ZFHX3: variants seen among roughly 807,000 people sequenced by gnomAD.
ZFHX3 encodes zinc finger homeobox protein 3.
Under a neutral mutation model 279.1 loss-of-function variants are expected in ZFHX3, and 42 were observed. That is an observed-to-expected ratio of 0.15 (90% CI 0.12 to 0.19). The LOEUF (loss-of-function observed/expected upper bound fraction) is 0.19, where lower values mean the gene tolerates loss of function less well. ZFHX3 is among the 10% of genes least tolerant of loss of function. ZFHX3 has a pLI of 1.00. For missense variants in ZFHX3, 4,981 were observed against 4,754.0 expected, an observed-to-expected ratio of 1.05 and a Z score of -1.40; for synonymous variants, 2,293 against 1,957.8, an observed-to-expected ratio of 1.17 and a Z score of -4.52.
chr16:73,518,507 G>A (rs1321391584), intron 2 of ZFHX3, among the ~76,000 whole-genome samples: 4 of 152,128 alleles, frequency 2.6e-5, no homozygotes, highest in African/African-American at 9.7e-5. Flanking sequence ...GGACTGAGAG[G>A]AGATGTGTCA....
intron 4 of ZFHX3, among the ~76,000 whole-genome samples, chr16:73,272,215 T>C (rs934464749): frequency 6.6e-6 from 1 of 152,260 alleles, no homozygotes; most frequent in Non-Finnish European, 1.5e-5. Flanking sequence ...GCTCTTTCAC[T>C]GACGGCATGT....
chr16:73,057,819 G>T (rs1965591965), intron 1 of ZFHX3, among the ~76,000 whole-genome samples: 1 of 150,716 alleles, frequency 6.6e-6, no homozygotes, highest in African/African-American at 2.4e-5. Flanking sequence ...CTCCCGCGTC[G>T]CCGGCAAGTC....
chr16:73,513,407 T>C (rs1411114490), intron 2 of ZFHX3, among the ~76,000 whole-genome samples: 1 of 152,160 alleles, frequency 6.6e-6, no homozygotes, highest in Non-Finnish European at 1.5e-5. Flanking sequence ...CTGAATCTGT[T>C]GCACTGACAC....
intron 4 of ZFHX3, among the ~76,000 whole-genome samples, chr16:72,843,877 A>C (rs1291818616): frequency 2.0e-5 from 3 of 152,190 alleles, no homozygotes; most frequent in Non-Finnish European, 4.4e-5. Context: ...GATACACAAA[A>C]CAAAACCAGC....
intron 4 of ZFHX3, among the ~76,000 whole-genome samples, chr16:73,312,840 G>A (rs1433246946): frequency 2.0e-5 from 3 of 152,212 alleles, no homozygotes; most frequent in African/African-American, 7.2e-5. Flanking sequence ...CATCATAACT[G>A]TAGTTGCAAA....
At chr16:72,839,804 G>A (rs9921746) in intron 4 of ZFHX3, among the ~76,000 whole-genome samples, 1,608 of 152,324 alleles carry the variant, frequency 0.011, 30 homozygotes, top group African/African-American at 0.037. Flanking sequence ...GAGCTTCCCT[G>A]ATGGGGTACC....
chr16:73,863,727 T>C (rs1245324676), intron 1 of ZFHX3, among the ~76,000 whole-genome samples: 1 of 152,216 alleles, frequency 6.6e-6, no homozygotes, highest in African/African-American at 2.4e-5. Flanking sequence ...GGAATTTTTA[T>C]GCCTTCTTTA....
chr16:73,223,934 A>G (rs1490272100), intron 5 of ZFHX3, among the ~76,000 whole-genome samples: 2 of 152,248 alleles, frequency 1.3e-5, no homozygotes, highest in Non-Finnish European at 2.9e-5. Flanking sequence ...TGAAAAGACT[A>G]CATATTGCAT....
At chr16:72,841,258 G>A (rs2037337482) in intron 4 of ZFHX3, among the ~76,000 whole-genome samples, 1 of 152,218 alleles carries the variant, frequency 6.6e-6, no homozygotes, top group Non-Finnish European at 1.5e-5. Context: ...GCATGCATCA[G>A]TTTGAAACAA....
chr16:73,552,010 AAT>A (rs2020210397), intron 2 of ZFHX3, among the ~76,000 whole-genome samples: 1 of 152,102 alleles, frequency 6.6e-6, no homozygotes, highest in South Asian at 2.1e-4. Context: ...TCTGTGAGTG[AAT>A]GAGTGAGTGT....
chr16:73,744,934 A>G (rs573804140), intron 1 of ZFHX3, among the ~76,000 whole-genome samples: 7 of 152,286 alleles, frequency 4.6e-5, no homozygotes, highest in African/African-American at 1.7e-4. Context: ...TGCATCTCAC[A>G]ACAGGAAATT....
At chr16:73,136,301 T>C (rs1966791026) in intron 6 of ZFHX3, among the ~76,000 whole-genome samples, 1 of 152,190 alleles carries the variant, frequency 6.6e-6, no homozygotes, top group African/African-American at 2.4e-5. Context: ...TCTGAGGACA[T>C]CACTCTTCTG....
At chr16:73,678,278 T>C (rs775670970) in intron 2 of ZFHX3, among the ~76,000 whole-genome samples, 33 of 152,108 alleles carry the variant, frequency 2.2e-4, no homozygotes, top group Non-Finnish European at 4.3e-4. Flanking sequence ...TAGAAGACCA[T>C]TGGGAGATGT....
intron 1 of ZFHX3, among the ~76,000 whole-genome samples, chr16:73,001,682 T>G (rs547987965): frequency 6.6e-6 from 1 of 151,886 alleles, no homozygotes; most frequent in Non-Finnish European, 1.5e-5. Context: ...TAGCCAAGTG[T>G]GGTGGCACAT....
chr16:73,703,521 A>C (rs1256273934), intron 1 of ZFHX3, among the ~76,000 whole-genome samples: 1 of 152,052 alleles, frequency 6.6e-6, no homozygotes, highest in Non-Finnish European at 1.5e-5. Context: ...TGGGAAGGGG[A>C]AGGTTTATAG....
intron 1 of ZFHX3, among the ~76,000 whole-genome samples, chr16:73,697,376 T>C (rs1241578496): frequency 2.0e-5 from 3 of 152,226 alleles, no homozygotes; most frequent in African/African-American, 7.2e-5. Flanking sequence ...GAATCACAGT[T>C]TCAAAACACA....
intron 2 of ZFHX3, among the ~76,000 whole-genome samples, chr16:73,667,499 G>A (rs2052856099): frequency 6.6e-6 from 1 of 152,168 alleles, no homozygotes; most frequent in Admixed American, 6.5e-5. Flanking sequence ...CTACTAAACT[G>A]TTTTTCCAAA....
At chr16:73,254,195 T>C (rs2013596542) in intron 5 of ZFHX3, among the ~76,000 whole-genome samples, 2 of 152,086 alleles carry the variant, frequency 1.3e-5, no homozygotes, top group Non-Finnish European at 2.9e-5. Context: ...CCAGGTGAGA[T>C]TTTTCTCTGA....
intron 3 of ZFHX3, among the ~76,000 whole-genome samples, chr16:73,341,842 G>A (rs1486552988): frequency 6.6e-6 from 1 of 152,158 alleles, no homozygotes; most frequent in African/African-American, 2.4e-5. Flanking sequence ...AGTCACAAAA[G>A]GCTACATATT....
Sources: allele counts gnomAD v4.1 joint callset (sites outside exome capture counted in the v4.1 genomes callset), GRCh38; gene constraint gnomAD v4.1.1; transcripts MANE v1.5; gene names NCBI Gene and HGNC (gene_info 2026-07-23, HGNC 2026-07-21).